Variants in HS2ST1 observed in about 807,000 individuals in gnomAD.
The protein encoded by HS2ST1 is 2-O-sulfotransferase.
HS2ST1 carries 18 observed loss-of-function variants against 42.9 expected under a neutral mutation model. That is an observed-to-expected ratio of 0.42 (90% CI 0.29 to 0.62). The LOEUF (loss-of-function observed/expected upper bound fraction) is 0.62. Ranked by LOEUF, HS2ST1 falls within the 20% of genes least tolerant of loss-of-function variation. The pLI, the probability that HS2ST1 is intolerant of heterozygous loss-of-function variation, is 0.21. For missense variants in HS2ST1, 334 were observed against 433.8 expected (o/e 0.77, Z 2.04); for synonymous variants, 146 against 152.9 (o/e 0.95, Z 0.33).
At chr1:86,937,317 C>G (rs1463900449) in intron 1 of HS2ST1, among the ~76,000 whole-genome samples, 2 of 151,974 alleles carry the variant, frequency 1.3e-5, no homozygotes, top group African/African-American at 4.8e-5. Flanking sequence ...CTAAATATGT[C>G]AAAATTTACC....
chr1:87,015,142 GAGT>G lies in HS2ST1; in HGVS notation c.125-57791_125-57789del, dbSNP rs1356645533. The stretch of plus-strand genomic sequence containing the variant: ...CAGCTCACTGCAACCTCCGACTTCT[GAGT>G]TCAAGTGATTCTCCTGCTTCAGCCT... On this transcript the variant is annotated intron_variant, in intron 1 of 6. Transcript: ENST00000370550. Among the ~76,000 whole-genome samples, 6 of 152,200 alleles carry G rather than the reference GAGT, an allele frequency of 3.9e-5. No individual in the cohort carries two copies. The East Asian group carries it at 7.7e-4, about 20-fold the overall frequency.
chr1:86,967,358 A>G (rs1164756508), intron 1 of HS2ST1, among the ~76,000 whole-genome samples: 1 of 152,126 alleles, frequency 6.6e-6, no homozygotes, highest in Non-Finnish European at 1.5e-5. Context: ...TGGGTGGATT[A>G]TATCGTGGTG....
Position 87,086,897 on chromosome 1 carries a change from C to T in HS2ST1, c.449+2618C>T, listed in dbSNP as rs189513630. ...TTTTCTTTTTAATTGGTGAATGATA[C>T]AATTTTAAGATAATGTAGATATAAA... On this transcript the variant is annotated intron_variant, in intron 3 of 6. Transcript: ENST00000370550. 2.3e-3 allele frequency among the ~76,000 whole-genome samples: 311 copies of T among 134,872 alleles called. 1 individual carries two copies. The highest frequency in any genetic ancestry group is 7.2e-3 in the Middle Eastern group (2 of 276). The allele number at this position is 134,872 out of a possible 152,430, so 88.5% of individuals were successfully genotyped here.
chr1:86,985,072 T>C (rs1049262879), intron 1 of HS2ST1, among the ~76,000 whole-genome samples: 6 of 151,492 alleles, frequency 4.0e-5, no homozygotes, highest in Non-Finnish European at 5.9e-5. Context: ...TTATTCTGTT[T>C]TGGCCAGGCG....
At chr1:87,097,136 A>G (rs1199251644) in intron 4 of HS2ST1, among the ~76,000 whole-genome samples, 1 of 152,222 alleles carries the variant, frequency 6.6e-6, no homozygotes, top group Non-Finnish European at 1.5e-5. Context: ...ACAAATATTA[A>G]TAGTGCAAGT....
chr1:87,053,601 A>G (rs1650885896), intron 1 of HS2ST1, among the ~76,000 whole-genome samples: 1 of 152,210 alleles, frequency 6.6e-6, no homozygotes, highest in Non-Finnish European at 1.5e-5. Flanking sequence ...CATTCTTAGT[A>G]GTAAGGTCCA....
chr1:87,079,501 C>T (rs1395081036), intron 2 of HS2ST1, among the ~76,000 whole-genome samples: 5 of 152,166 alleles, frequency 3.3e-5, no homozygotes, highest in Non-Finnish European at 5.9e-5. Context: ...ATACTGACAT[C>T]ATTTATTTGC....
At chr1:87,075,564 T>G (rs1280971938) in intron 2 of HS2ST1, among the ~76,000 whole-genome samples, 2 of 152,220 alleles carry the variant, frequency 1.3e-5, no homozygotes, top group East Asian at 3.8e-4. Flanking sequence ...CTTAAATCTG[T>G]TGTCTCCAGC....
At chr1:87,058,614 CTG>C (rs1306937119) in intron 1 of HS2ST1, among the ~76,000 whole-genome samples, 1 of 151,480 alleles carries the variant, frequency 6.6e-6, no homozygotes, top group Non-Finnish European at 1.5e-5. Context: ...ACATTAATTA[CTG>C]TGTTTTGGTT....
intron 1 of HS2ST1, among the ~76,000 whole-genome samples, chr1:86,954,060 A>ATT (rs1647606397): frequency 6.7e-6 from 1 of 148,792 alleles, no homozygotes; most frequent in Non-Finnish European, 1.5e-5. Context: ...AAAAAAAAAA[A>ATT]AAAAAAAAAG....
chr1:86,968,993 A>C (rs1046651692), intron 1 of HS2ST1, among the ~76,000 whole-genome samples: 1 of 152,222 alleles, frequency 6.6e-6, no homozygotes, highest in Admixed American at 6.5e-5. Flanking sequence ...AAATATTTTC[A>C]TGAAGTTATT....
intron 1 of HS2ST1, among the ~76,000 whole-genome samples, chr1:87,037,049 A>G (rs1650392369): frequency 1.3e-5 from 2 of 152,108 alleles, no homozygotes; most frequent in Admixed American, 1.3e-4. Context: ...AACGAAGTGA[A>G]TATCATAAAT....
At chr1:86,958,963 A>T (rs1448889241) in intron 1 of HS2ST1, among the ~76,000 whole-genome samples, 1 of 152,226 alleles carries the variant, frequency 6.6e-6, no homozygotes, top group African/African-American at 2.4e-5. Context: ...AATCGATCAC[A>T]TCCACAGTCT....
intron 1 of HS2ST1, among the ~76,000 whole-genome samples, chr1:86,917,666 G>A (rs1660192022): frequency 6.6e-6 from 1 of 152,218 alleles, no homozygotes; most frequent in African/African-American, 2.4e-5. Flanking sequence ...TCCAAATCAA[G>A]TGCTCCTTTA....
rs1649801300 is a variant in HS2ST1 at position 87,017,705 on chromosome 1, T to G, written c.125-55229T>G. On this transcript the variant is annotated intron_variant, in intron 1 of 6. Transcript: ENST00000370550. ...TTTTTGATTTTTGATATATGTGTCC[T>G]TTCTTCTGGTTTAGGCCTATGTTTG... Among the ~76,000 whole-genome samples, 2 of 152,186 alleles carry G rather than the reference T, an allele frequency of 1.3e-5. 1 individual carries two copies. Among genetic ancestry groups the G allele is most frequent in the South Asian group, 4.1e-4 (2 of 4,830 alleles).
chr1:87,075,200 G>C (rs6703654), intron 2 of HS2ST1, among the ~76,000 whole-genome samples: 60 of 70,116 alleles, frequency 8.6e-4, no homozygotes, highest in African/African-American at 3.8e-3. Context: ...ACAGGGTTTT[G>C]CTCTTGCTTC....
intron 1 of HS2ST1, among the ~76,000 whole-genome samples, chr1:87,061,119 A>T (rs1651110030): frequency 6.6e-6 from 1 of 152,184 alleles, no homozygotes; most frequent in Non-Finnish European, 1.5e-5. Context: ...GTACATGAAG[A>T]TACTCAATAA....
intron 2 of HS2ST1, among the ~76,000 whole-genome samples, chr1:87,074,723 G>A (rs1651495880): frequency 1.3e-5 from 2 of 151,886 alleles, no homozygotes; most frequent in African/African-American, 4.8e-5. Flanking sequence ...AAGCATAAAT[G>A]CTATCTTAAA....
chr1:86,923,366 C>T (rs1340428604), intron 1 of HS2ST1, among the ~76,000 whole-genome samples: 1 of 148,600 alleles, frequency 6.7e-6, no homozygotes, highest in Non-Finnish European at 1.5e-5. Context: ...TGGTGGCAGG[C>T]AAAAAATGAG....
Sources: gnomAD v4.1 joint callset for allele counts (sites outside exome capture counted in the v4.1 genomes callset) on GRCh38, gnomAD v4.1.1 for gene constraint, MANE v1.5 for transcripts, NCBI Gene and HGNC (gene_info 2026-07-23, HGNC 2026-07-21) for gene names.